Variants in BTAF1 observed in about 807,000 individuals in gnomAD.
BTAF1 encodes B-TFIID TATA-box binding protein associated factor 1, also known as TATA-binding protein-associated factor 172.
In BTAF1, 38 loss-of-function variants were observed where a neutral mutation model predicts 227.1. The observed-to-expected ratio is 0.17, with a 90% confidence interval of 0.13 to 0.22. The LOEUF is 0.22. Ranked by LOEUF, BTAF1 falls within the 10% of genes least tolerant of loss-of-function variation. BTAF1 has a pLI of 1.00. For missense variants in BTAF1, 1,598 were observed against 2,204.0 expected (o/e 0.73, Z 5.51); for synonymous variants, 742 against 751.9 (o/e 0.99, Z 0.21).
At chr10:91,965,905 C>G (rs1846877253) in intron 13 of BTAF1, among the ~76,000 whole-genome samples, 1 of 152,160 alleles carries the variant, frequency 6.6e-6, no homozygotes, top group South Asian at 2.1e-4. Flanking sequence ...AGACCAAATA[C>G]AGTGGCATAT....
At chr10:92,010,716 T>A (rs894043322) in intron 28 of BTAF1, among the ~76,000 whole-genome samples, 1 of 152,378 alleles carries the variant, frequency 6.6e-6, no homozygotes, top group African/African-American at 2.4e-5. Context: ...TAGCTTAACC[T>A]GGTTCAAATG....
intron 12 of BTAF1, among the ~76,000 whole-genome samples, chr10:91,962,955 T>C (rs1846625169): frequency 6.6e-6 from 1 of 152,078 alleles, no homozygotes; most frequent in Non-Finnish European, 1.5e-5. Flanking sequence ...TTTTTAGATA[T>C]ATTGGATTTT....
At chr10:91,925,752 C>T (rs1190423970) in intron 1 of BTAF1, among the ~76,000 whole-genome samples, 6 of 152,114 alleles carry the variant, frequency 3.9e-5, no homozygotes, top group East Asian at 1.9e-4. Flanking sequence ...CCTCGTGATC[C>T]GCCGGCCTTG....
chr10:91,983,654 A>G lies in BTAF1; in HGVS notation c.2224-547A>G, dbSNP rs1383002127. Among the ~76,000 whole-genome samples, 5 of 152,182 alleles carry G rather than the reference A, an allele frequency of 3.3e-5. No homozygotes were observed. In the East Asian group the frequency reaches 5.8e-4, roughly 18 times the overall value. On this transcript the variant is annotated intron_variant, in intron 18 of 37. Coordinates refer to ENST00000265990, the MANE Select transcript of BTAF1 (RefSeq NM_003972.3). ...CTTACTCTGTGAAGCCCAGGCTGAT[A>G]ACTGAGATGCCACAGAACCCCTCAT...
chr10:92,013,113 AG>A (rs1321898586), intron 30 of BTAF1, among the ~76,000 whole-genome samples: 34 of 152,202 alleles, frequency 2.2e-4, no homozygotes, highest in African/African-American at 8.0e-4. Flanking sequence ...GGTGGGTAAA[AG>A]GGTACCTTAG....
intron 1 of BTAF1, among the ~76,000 whole-genome samples, chr10:91,930,043 C>T (rs1379129596): frequency 6.6e-6 from 1 of 152,008 alleles, no homozygotes; most frequent in African/African-American, 2.4e-5. Context: ...TCTCAAGGTA[C>T]TAGTTTGAAT....
intron 1 of BTAF1, among the ~76,000 whole-genome samples, chr10:91,930,195 C>A (rs1211776105): frequency 6.6e-6 from 1 of 152,156 alleles, no homozygotes; most frequent in East Asian, 1.9e-4. Flanking sequence ...ACCACCCATA[C>A]TGCTGCTAAA....
Position 91,992,317 on chromosome 10 carries a change from G to T in BTAF1, c.3045+8G>T. 1.9e-5 allele frequency: 27 copies of T among 1,406,656 alleles called. No homozygotes were observed. Among genetic ancestry groups the T allele is most frequent in the South Asian group, 4.5e-5 (3 of 67,218 alleles). The allele number at this position is 1,406,656 out of a possible 1,614,324, so 87.1% of individuals were successfully genotyped here. On this transcript the variant is annotated splice_region_variant and intron_variant, in intron 21 of 37. Transcript: ENST00000265990. ...CTTGTTGAACTTGATGAGGTAAGTAGTTTTTTTTTTTTTTTAATGCTTTGA... is the reference window on the plus strand; with the variant it reads ...CTTGTTGAACTTGATGAGGTAAGTATTTTTTTTTTTTTTTTAATGCTTTGA...
intron 33 of BTAF1, among the ~76,000 whole-genome samples, chr10:92,018,150 C>T (rs1446234119): frequency 1.3e-5 from 2 of 152,128 alleles, no homozygotes; most frequent in South Asian, 4.1e-4. Flanking sequence ...GTGGCATGAT[C>T]TTGGCTTACT....
At chr10:92,015,635 T>G (rs1015370959) in intron 32 of BTAF1, among the ~76,000 whole-genome samples, 1 of 152,166 alleles carries the variant, frequency 6.6e-6, no homozygotes, top group Non-Finnish European at 1.5e-5. Context: ...AAATCTGTGG[T>G]GATTTACTGG....
In BTAF1 at chr10:92,011,136, CAT is replaced by C. The variant is rs1457338946; in HGVS notation, c.4169_4170del (p.Ile1390ArgfsTer4). ...VASYDVVRND[I>X]DFFRNIKFNY... ...CTTCATATGATGTTGTGAGGAATGA[CAT>C]AGATTTCTTTAGGTAAGAATTAATT... On this transcript the variant is annotated frameshift_variant, in exon 29 of 38. Transcript: ENST00000265990. LOFTEE classifies it high-confidence loss of function. The C allele has an allele frequency of 6.3e-7, 1 of 1,597,492 alleles. No individual in the cohort carries two copies. The highest frequency in any genetic ancestry group is 8.5e-7 in the Non-Finnish European group (1 of 1,173,456).
chr10:92,026,851 C>CATGT, intron 36 of BTAF1, 100 bp downstream of exon 36: 3 of 1,290,224 alleles, frequency 2.3e-6, no homozygotes, highest in South Asian at 2.9e-5. Context: ...CTGGTGTTAA[C>CATGT]ATACATGTGT....
intron 2 of BTAF1, among the ~76,000 whole-genome samples, chr10:91,937,947 CTT>C (rs1368265565): frequency 6.6e-6 from 1 of 152,118 alleles, no homozygotes; most frequent in African/African-American, 2.4e-5. Context: ...TCTTGACTGA[CTT>C]TGATTATAGC....
chr10:92,010,720 T>G (rs1010940321), intron 28 of BTAF1, among the ~76,000 whole-genome samples: 1 of 152,244 alleles, frequency 6.6e-6, no homozygotes, highest in Non-Finnish European at 1.5e-5. Flanking sequence ...TTAACCTGGT[T>G]CAAATGCTTC....
intron 19 of BTAF1, among the ~76,000 whole-genome samples, chr10:91,988,909 A>G (rs913782384): frequency 1.3e-5 from 2 of 152,230 alleles, no homozygotes; most frequent in African/African-American, 4.8e-5. Context: ...TAAAGGTTAG[A>G]TAATTTTATT....
intron 24 of BTAF1, chr10:91,997,223 A>C: frequency 1.8e-6 from 2 of 1,125,758 alleles, no homozygotes; most frequent in South Asian, 2.6e-5. Flanking sequence ...GGAAATTTGG[A>C]ATTAATCTTT....
At chr10:91,955,376 G>A (rs908992658) in intron 6 of BTAF1, among the ~76,000 whole-genome samples, 5 of 152,072 alleles carry the variant, frequency 3.3e-5, no homozygotes, top group African/African-American at 1.2e-4. Flanking sequence ...TCCTGCCTTC[G>A]GAGGTTATAG....
rs564937861 is a variant in BTAF1, at chr10:91,924,072, C to G, written c.-5C>G. 8 of 1,608,474 alleles carry G rather than the reference C, an allele frequency of 5.0e-6. No individual in the cohort carries two copies. The highest frequency in any genetic ancestry group is 6.8e-6 in the Non-Finnish European group (8 of 1,178,412). On this transcript the variant is annotated 5_prime_UTR_variant, in exon 1 of 38. Coordinates refer to ENST00000265990, the MANE Select transcript of BTAF1 (RefSeq NM_003972.3). ...CGGGGAGCTCCGAACCGCCGGCGCC[C>G]GGCCATGGCGGTCTCCAGGTGGGTC...
At chr10:91,976,590 G>C (rs974197199) in intron 14 of BTAF1, among the ~76,000 whole-genome samples, 3 of 152,122 alleles carry the variant, frequency 2.0e-5, no homozygotes. Context: ...AGTTCTTTGG[G>C]TTTTAGGAGC....
Sources: gnomAD v4.1 joint callset for allele counts (sites outside exome capture counted in the v4.1 genomes callset) on GRCh38, gnomAD v4.1.1 for gene constraint, MANE v1.5 for transcripts, NCBI Gene and HGNC (gene_info 2026-07-23, HGNC 2026-07-21) for gene names.